Variants in SPMAP2L observed in about 807,000 individuals in gnomAD.
SPMAP2L encodes the protein sperm microtubule associated protein 2-like.
chr4:56,618,315 A>G, the SPMAP2L span, among the ~76,000 whole-genome samples: 1 of 152,250 alleles, frequency 6.6e-6, no homozygotes, highest in Non-Finnish European at 1.5e-5. Flanking sequence ...ATGAAAATAC[A>G]TTGCCAGGAG....
At chr4:56,561,456 T>G in the SPMAP2L span, among the ~76,000 whole-genome samples, 3 of 152,150 alleles carry the variant, frequency 2.0e-5, no homozygotes, top group African/African-American at 7.2e-5. Flanking sequence ...CGGCTTCTGG[T>G]GAGGGCTTTT....
chr4:56,539,074 A>C, the SPMAP2L span, among the ~76,000 whole-genome samples: 1 of 152,224 alleles, frequency 6.6e-6, no homozygotes, highest in African/African-American at 2.4e-5. Flanking sequence ...TGTCCTATGG[A>C]GTGCAAAGAT....
At chr4:56,549,341 T>A in the SPMAP2L span, among the ~76,000 whole-genome samples, 1 of 152,140 alleles carries the variant, frequency 6.6e-6, no homozygotes, top group Non-Finnish European at 1.5e-5. Flanking sequence ...ACTTGACTTG[T>A]TACTTAGTAG....
the SPMAP2L span, chr4:56,593,347 G>A: frequency 1.7e-6 from 2 of 1,165,612 alleles, no homozygotes; most frequent in Non-Finnish European, 2.6e-6. Flanking sequence ...GACAATAGCT[G>A]TTGTCCAGAC....
chr4:56,603,115 T>G, the SPMAP2L span: 12 of 746,530 alleles, frequency 1.6e-5, no homozygotes, highest in Admixed American at 1.5e-4. Flanking sequence ...TGGGATAATA[T>G]CATAGTACAT....
the SPMAP2L span, among the ~76,000 whole-genome samples, chr4:56,574,673 T>G: frequency 6.6e-6 from 1 of 152,148 alleles, no homozygotes; most frequent in Non-Finnish European, 1.5e-5. Flanking sequence ...TCTGTATATC[T>G]TTTGGTCTAT....
chr4:56,625,885 C>T, the SPMAP2L span, among the ~76,000 whole-genome samples: 1 of 152,224 alleles, frequency 6.6e-6, no homozygotes, highest in African/African-American at 2.4e-5. Context: ...TATTTCTCAA[C>T]AGAGTGAAGT....
chr4:56,612,551 T>C, the SPMAP2L span, among the ~76,000 whole-genome samples: 4 of 151,050 alleles, frequency 2.6e-5, no homozygotes, highest in Non-Finnish European at 5.9e-5. Flanking sequence ...GTTATTATTA[T>C]CTTCTTGCTT....
the SPMAP2L span, among the ~76,000 whole-genome samples, chr4:56,577,309 G>A: frequency 6.6e-6 from 1 of 152,078 alleles, no homozygotes; most frequent in South Asian, 2.1e-4. Context: ...GGTGGCAGAG[G>A]CACAAGAATA....
the SPMAP2L span, among the ~76,000 whole-genome samples, chr4:56,543,977 A>T: frequency 9.5e-5 from 6 of 63,492 alleles, no homozygotes; most frequent in African/African-American, 3.0e-4. Context: ...TGTATGTGAG[A>T]GAGAGAGAGA....
the SPMAP2L span, chr4:56,595,091 C>A: frequency 6.6e-5 from 107 of 1,611,336 alleles, no homozygotes; most frequent in African/African-American, 1.3e-3. Flanking sequence ...TCCATCTTGC[C>A]CATTTCCTGG....
chr4:56,610,847 C>A, the SPMAP2L span, among the ~76,000 whole-genome samples: 1 of 152,082 alleles, frequency 6.6e-6, no homozygotes, highest in East Asian at 1.9e-4. Context: ...GAAAAAAATG[C>A]TCGACATCAC....
the SPMAP2L span, among the ~76,000 whole-genome samples, chr4:56,582,616 G>A: frequency 1.3e-5 from 2 of 152,104 alleles, no homozygotes; most frequent in Non-Finnish European, 1.5e-5. Flanking sequence ...TTTCTGGTAG[G>A]AATGTAGAAT....
the SPMAP2L span, among the ~76,000 whole-genome samples, chr4:56,591,515 C>G: frequency 6.6e-6 from 1 of 152,114 alleles, no homozygotes; most frequent in African/African-American, 2.4e-5. Flanking sequence ...GATTAATACA[C>G]AAAACATGTA....
chr4:56,617,025 A>G, the SPMAP2L span, among the ~76,000 whole-genome samples: 1 of 152,162 alleles, frequency 6.6e-6, no homozygotes, highest in African/African-American at 2.4e-5. Context: ...GGGAGCCTGA[A>G]ACCTCGAATA....
chr4:56,577,425 CA>C, the SPMAP2L span, among the ~76,000 whole-genome samples: 1 of 152,072 alleles, frequency 6.6e-6, no homozygotes, highest in East Asian at 1.9e-4. Flanking sequence ...ATACTGATAT[CA>C]GACAATATAG....
chr4:56,583,119 CAA>C, the SPMAP2L span, among the ~76,000 whole-genome samples: 6 of 151,774 alleles, frequency 4.0e-5, no homozygotes, highest in African/African-American at 1.5e-4. Context: ...CTAAAAAATA[CAA>C]AAATTAGCCA....
chr4:56,600,091 TGC>T, the SPMAP2L span, among the ~76,000 whole-genome samples: 2 of 145,254 alleles, frequency 1.4e-5, no homozygotes, highest in African/African-American at 5.1e-5. Context: ...TGTTTTTCTT[TGC>T]TTTCTTTTTT....
chr4:56,538,398 A>G, the SPMAP2L span, among the ~76,000 whole-genome samples: 1 of 152,134 alleles, frequency 6.6e-6, no homozygotes, highest in East Asian at 1.9e-4. Flanking sequence ...TGTTTTTAAG[A>G]GGTGGGAAAG....
Sources: allele counts gnomAD v4.1 joint callset (sites outside exome capture counted in the v4.1 genomes callset), GRCh38; gene constraint gnomAD v4.1.1; transcripts MANE v1.5; gene names NCBI Gene and HGNC (gene_info 2026-07-23, HGNC 2026-07-21).